Variants in PRKCQ observed in about 807,000 individuals in gnomAD.
PRKCQ encodes protein kinase C theta type.
Under a neutral mutation model 91.2 loss-of-function variants are expected in PRKCQ, and 41 were observed. The observed-to-expected ratio is 0.45, with a 90% CI of 0.35 to 0.58. The LOEUF (loss-of-function observed/expected upper bound fraction) is 0.58, where lower values mean the gene tolerates loss of function less well. PRKCQ is among the 20% of genes least tolerant of loss of function. The pLI, the probability that PRKCQ is intolerant of heterozygous loss-of-function variation, is 0.00. For missense variants in PRKCQ, 673 were observed against 896.5 expected (o/e 0.75, Z 3.18); for synonymous variants, 307 against 316.9 (o/e 0.97, Z 0.33).
chr10:6,485,306 C>A (rs767246852), intron 9 of PRKCQ, 37 bp from the exon 10 acceptor site: 16 of 1,536,466 alleles, frequency 1.0e-5, no homozygotes, highest in African/African-American at 2.7e-5. Context: ...ACCCACCCAC[C>A]CACCATTGAT....
At chr10:6,543,418 G>A (rs1346025394) in intron 1 of PRKCQ, among the ~76,000 whole-genome samples, 1 of 152,136 alleles carries the variant, frequency 6.6e-6, no homozygotes, top group Non-Finnish European at 1.5e-5. Flanking sequence ...ACACCATGGG[G>A]AAAGGTGGCG....
intron 1 of PRKCQ, among the ~76,000 whole-genome samples, chr10:6,528,571 C>T (rs1448075825): frequency 6.6e-6 from 1 of 152,222 alleles, no homozygotes; most frequent in African/African-American, 2.4e-5. Context: ...ATCTCCCTGT[C>T]TCCTGATCTG....
intron 12 of PRKCQ, among the ~76,000 whole-genome samples, chr10:6,468,517 A>C (rs1223956385): frequency 6.6e-6 from 1 of 152,242 alleles, no homozygotes; most frequent in African/African-American, 2.4e-5. Context: ...AATAACAGTT[A>C]ATTTTGTAAA....
At chr10:6,529,783 C>T (rs1839325836) in intron 1 of PRKCQ, among the ~76,000 whole-genome samples, 1 of 152,200 alleles carries the variant, frequency 6.6e-6, no homozygotes, top group African/African-American at 2.4e-5. Context: ...GGACCCACTT[C>T]ATCAGGGTCT....
intron 4 of PRKCQ, among the ~76,000 whole-genome samples, chr10:6,503,102 A>G (rs1406744028): frequency 6.6e-6 from 1 of 152,206 alleles, no homozygotes; most frequent in Non-Finnish European, 1.5e-5. Flanking sequence ...GCAAAGGGGA[A>G]CTAATGAGAG....
At chr10:6,494,364 T>G (rs945039466) in intron 7 of PRKCQ, among the ~76,000 whole-genome samples, 1 of 152,208 alleles carries the variant, frequency 6.6e-6, no homozygotes, top group Non-Finnish European at 1.5e-5. Context: ...CTTGCCATCC[T>G]TGGGGTCTCA....
At chr10:6,426,642 C>T (rs1056198105), downstream of PRKCQ, among the ~76,000 whole-genome samples, 4 of 152,088 alleles carry the variant, frequency 2.6e-5, no homozygotes, top group Admixed American at 6.5e-5. Context: ...ACAAGAGCTC[C>T]GTATAGTCAG....
chr10:6,521,447 C>G (rs1838999793), intron 1 of PRKCQ, among the ~76,000 whole-genome samples: 1 of 152,144 alleles, frequency 6.6e-6, no homozygotes, highest in African/African-American at 2.4e-5. Context: ...TTTAAACTCT[C>G]TAAGCCTGCT....
intron 4 of PRKCQ, among the ~76,000 whole-genome samples, chr10:6,504,230 G>C (rs1293413548): frequency 1.3e-5 from 2 of 152,178 alleles, no homozygotes; most frequent in African/African-American, 4.8e-5. Context: ...CCTTAGAACA[G>C]ATTTTTATCA....
upstream of PRKCQ, chr10:6,580,294 G>GACTGCGCGGGGA (rs1264434332): frequency 1.8e-5 from 1 of 56,006 alleles, no homozygotes; most frequent in African/African-American, 4.0e-5. Flanking sequence ...GACTGGCGGG[G>GACTGCGCGGGGA]CTGGCGGGGC....
intron 13 of PRKCQ, among the ~76,000 whole-genome samples, chr10:6,463,444 G>A (rs1835466319): frequency 6.6e-6 from 1 of 152,152 alleles, no homozygotes; most frequent in South Asian, 2.1e-4. Context: ...AATGCCCGAT[G>A]ATTTCTCTGC....
intron 1 of PRKCQ, among the ~76,000 whole-genome samples, chr10:6,540,304 T>C (rs1839728674): frequency 6.6e-6 from 1 of 152,224 alleles, no homozygotes; most frequent in Admixed American, 6.5e-5. Flanking sequence ...ATTCACATTG[T>C]TGTGCAACCA....
chr10:6,526,908 T>C (rs1448167536), intron 1 of PRKCQ, among the ~76,000 whole-genome samples: 2 of 152,182 alleles, frequency 1.3e-5, no homozygotes, highest in East Asian at 1.9e-4. Flanking sequence ...GACTTCACTC[T>C]TCCAGTTGAT....
At chr10:6,420,550 T>C in the PRKCQ span, among the ~76,000 whole-genome samples, 1 of 152,344 alleles carries the variant, frequency 6.6e-6, no homozygotes, top group South Asian at 2.1e-4. Context: ...TTTTTTTTGG[T>C]AAAATATATC....
intron 1 of PRKCQ, among the ~76,000 whole-genome samples, chr10:6,573,238 A>G (rs75666157): frequency 0.017 from 2,620 of 152,026 alleles, 41 homozygotes; most frequent in East Asian, 0.052. Context: ...CTGCTTTTGT[A>G]TAGCTAAAAC....
At chr10:6,487,062 A>G (rs1358465978) in intron 8 of PRKCQ, among the ~76,000 whole-genome samples, 3 of 152,150 alleles carry the variant, frequency 2.0e-5, no homozygotes, top group Non-Finnish European at 4.4e-5. Context: ...GTGGGCTTAG[A>G]TGAGGAGGCC....
the PRKCQ span, among the ~76,000 whole-genome samples, chr10:6,403,465 G>A: frequency 6.6e-6 from 1 of 152,128 alleles, no homozygotes; most frequent in Non-Finnish European, 1.5e-5. Context: ...ATTCCCCTCT[G>A]CTATCTCTGG....
intron 7 of PRKCQ, among the ~76,000 whole-genome samples, chr10:6,495,604 C>T (rs1837543578): frequency 6.6e-6 from 1 of 152,198 alleles, no homozygotes; most frequent in African/African-American, 2.4e-5. Context: ...CCATACATAG[C>T]TGTTTATTAT....
intron 12 of PRKCQ, among the ~76,000 whole-genome samples, chr10:6,472,060 G>C (rs569190015): frequency 6.6e-6 from 1 of 152,188 alleles, no homozygotes; most frequent in African/African-American, 2.4e-5. Context: ...CGTAATCCTA[G>C]CACTCTGGGA....
Sources: gnomAD v4.1 joint callset for allele counts (sites outside exome capture counted in the v4.1 genomes callset) on GRCh38, gnomAD v4.1.1 for gene constraint, MANE v1.5 for transcripts, NCBI Gene and HGNC (gene_info 2026-07-23, HGNC 2026-07-21) for gene names.